Variants in CDH2 observed in about 807,000 individuals in gnomAD.
The protein encoded by CDH2 is cadherin 2.
A neutral mutation model predicts 92.0 loss-of-function variants in CDH2; 17 were observed. The ratio of observed to expected loss-of-function variants is 0.18; its 90% CI spans 0.13 to 0.28. The LOEUF (loss-of-function observed/expected upper bound fraction) is 0.28. CDH2 is among the 10% of genes least tolerant of loss of function. The pLI is 1.00. For missense variants in CDH2, 862 were observed against 1,133.1 expected, an observed-to-expected ratio of 0.76 and a Z score of 3.44; for synonymous variants, 419 against 415.9, an observed-to-expected ratio of 1.01 and a Z score of -0.09.
intron 1 of CDH2, among the ~76,000 whole-genome samples, chr18:28,147,990 T>C (rs1344845128): frequency 6.6e-6 from 1 of 152,212 alleles, no homozygotes. Flanking sequence ...CCCACTTGTC[T>C]AGTCCAGTAA....
At chr18:28,159,313 T>G (rs1274875841) in intron 1 of CDH2, 1 of 152,232 alleles carries the variant, frequency 6.6e-6, no homozygotes, top group African/African-American at 2.4e-5. Flanking sequence ...TGGAAGGAAG[T>G]GGGCATGTCT....
At chr18:28,048,907 A>G (rs1378219279) in intron 2 of CDH2, among the ~76,000 whole-genome samples, 1 of 152,130 alleles carries the variant, frequency 6.6e-6, no homozygotes, top group Non-Finnish European at 1.5e-5. Flanking sequence ...AAAAGAAAAG[A>G]AAAGAAAACT....
chr18:27,947,501 C>A (rs551646141), downstream of CDH2, among the ~76,000 whole-genome samples: 1 of 151,004 alleles, frequency 6.6e-6, no homozygotes, highest in Non-Finnish European at 1.5e-5. Flanking sequence ...AGAGAAAATG[C>A]GAAAAAAAGA....
At position 27,967,959 on chromosome 18, in the gene CDH2, T is replaced by C. The variant is rs190681644; in HGVS notation, c.2350-4438A>G. On this transcript the variant is annotated intron_variant, in intron 14 of 15. Coordinates refer to ENST00000269141, the MANE Select transcript of CDH2 (RefSeq NM_001792.5). ...CAGGCAAATACTTCCAAAAACTACA[T>C]TGCATGTAGAATCTACAGAATTGTA... Among the ~76,000 whole-genome samples the C allele has an allele frequency of 3.3e-5, 5 of 152,330 alleles. No individual in the cohort carries two copies. In the East Asian group the frequency reaches 7.7e-4, roughly 24 times the overall value.
chr18:28,170,978 G>A (rs974155302), intron 1 of CDH2, among the ~76,000 whole-genome samples: 20 of 150,316 alleles, frequency 1.3e-4, no homozygotes, highest in African/African-American at 4.2e-4. Flanking sequence ...TCTGTAATCC[G>A]AGCACTTCGG....
At chr18:28,122,959 A>C (rs528699413) in intron 2 of CDH2, among the ~76,000 whole-genome samples, 8 of 152,276 alleles carry the variant, frequency 5.3e-5, no homozygotes, top group Admixed American at 6.5e-5. Context: ...AACAATCTCG[A>C]GACAATTTTA....
intron 2 of CDH2, among the ~76,000 whole-genome samples, chr18:28,085,710 T>C (rs8092645): frequency 0.077 from 11,753 of 152,204 alleles, 1,504 homozygotes; most frequent in African/African-American, 0.27. Context: ...TCTTCAACTT[T>C]GTTCTCAATC....
At chr18:28,083,969 T>C (rs528186646) in intron 2 of CDH2, among the ~76,000 whole-genome samples, 1 of 152,286 alleles carries the variant, frequency 6.6e-6, no homozygotes, top group African/African-American at 2.4e-5. Flanking sequence ...GACAGCAATT[T>C]TGCCGCATTT....
At chr18:27,971,928 T>C (rs10853679) in intron 14 of CDH2, among the ~76,000 whole-genome samples, 22,994 of 152,236 alleles carry the variant, frequency 0.15, 2,147 homozygotes, top group East Asian at 0.4. Context: ...AGTTAGATTA[T>C]ACAGCTTCAT....
intron 2 of CDH2, among the ~76,000 whole-genome samples, chr18:28,096,731 C>T (rs1002174963): frequency 3.9e-5 from 6 of 152,092 alleles, no homozygotes; most frequent in African/African-American, 1.4e-4. Context: ...AGTTTATGAT[C>T]GTGAAGGCAC....
chr18:28,009,613 A>C (rs945749967), intron 5 of CDH2, 104 bp downstream of exon 5: 3 of 868,542 alleles, frequency 3.5e-6, no homozygotes, highest in Non-Finnish European at 5.0e-6. Flanking sequence ...AATTCTTAAA[A>C]CTCTCAGTAT....
intron 2 of CDH2, chr18:28,036,488 A>G (rs1382430851): frequency 1.3e-6 from 2 of 1,587,916 alleles, no homozygotes; most frequent in Admixed American, 1.7e-5. Context: ...AAAACATACA[A>G]TTCTGCTTGG....
At chr18:28,047,993 ACTT>A (rs1251555714) in intron 2 of CDH2, among the ~76,000 whole-genome samples, 52 of 152,048 alleles carry the variant, frequency 3.4e-4, no homozygotes, top group African/African-American at 1.2e-3. Context: ...GCTACAGTAA[ACTT>A]CTTCATTACA....
chr18:28,025,557 G>T (rs1450284051), intron 2 of CDH2, among the ~76,000 whole-genome samples: 1 of 149,622 alleles, frequency 6.7e-6, no homozygotes, highest in South Asian at 2.1e-4. Flanking sequence ...ATAAGCGTTT[G>T]CAATTGCAGT....
At chr18:27,999,793 C>T (rs1301213216) in intron 7 of CDH2, among the ~76,000 whole-genome samples, 1 of 151,734 alleles carries the variant, frequency 6.6e-6, no homozygotes, top group Non-Finnish European at 1.5e-5. Context: ...CCACCCAAAT[C>T]TCACCTTGAA....
At position 28,123,058 on chromosome 18, in the gene CDH2, A is replaced by G. The variant is rs569756604; in HGVS notation, c.172+24615T>C. ...TTTAACACTTTTTATATAAGAGATC[A>G]ATTTTCAGGCCTCAGTTCTGCCTAT... On this transcript the variant is annotated intron_variant, in intron 2 of 15. Coordinates refer to ENST00000269141, the MANE Select transcript of CDH2 (RefSeq NM_001792.5). 9.3e-4 allele frequency among the ~76,000 whole-genome samples: 141 copies of G among 152,276 alleles called. 1 individual carries two copies. The highest frequency in any genetic ancestry group is 3.3e-3 in the African/African-American group (136 of 41,572).
intron 6 of CDH2, 76 bp downstream of exon 6, chr18:28,005,773 T>C: frequency 1.0e-6 from 1 of 960,784 alleles, no homozygotes; most frequent in Non-Finnish European, 1.5e-6. Context: ...GATTTCTCCA[T>C]TTCTTGCTCA....
intron 2 of CDH2, among the ~76,000 whole-genome samples, chr18:28,056,426 C>T (rs145755494): frequency 6.7e-4 from 102 of 152,214 alleles, no homozygotes; most frequent in African/African-American, 2.3e-3. Context: ...GCCTAGGAAA[C>T]AAAGATTCTA....
intron 14 of CDH2, among the ~76,000 whole-genome samples, chr18:27,971,912 T>C (rs1448794682): frequency 6.6e-6 from 1 of 152,198 alleles, no homozygotes; most frequent in African/African-American, 2.4e-5. Context: ...CAATCAAATA[T>C]ACCATAGTTA....
Sources: gnomAD v4.1 joint callset for allele counts (sites outside exome capture counted in the v4.1 genomes callset) on GRCh38, gnomAD v4.1.1 for gene constraint, MANE v1.5 for transcripts, NCBI Gene and HGNC (gene_info 2026-07-23, HGNC 2026-07-21) for gene names.